MTA3: variants seen among roughly 807,000 people sequenced by gnomAD.
MTA3 encodes the protein metastasis-associated protein MTA3.
MTA3 carries 34 observed loss-of-function variants against 83.5 expected under a neutral mutation model. The observed-to-expected ratio is 0.41, with a 90% CI of 0.31 to 0.54. MTA3 has a LOEUF of 0.54. Ranked by LOEUF, MTA3 falls within the 20% of genes least tolerant of loss-of-function variation. MTA3 has a pLI of 0.33. For synonymous variants in MTA3, 303 were observed against 252.7 expected, an observed-to-expected ratio of 1.20 and a Z score of -1.89; for missense variants, 761 against 726.4, an observed-to-expected ratio of 1.05 and a Z score of -0.55.
intron 2 of MTA3, among the ~76,000 whole-genome samples, chr2:42,572,607 T>TAATAA (rs1678615398): frequency 6.6e-6 from 1 of 152,182 alleles, no homozygotes; most frequent in Non-Finnish European, 1.5e-5. Context: ...GTGTAATAAA[T>TAATAA]ATAAAGTAGC....
chr2:42,629,568 G>A (rs1686471154), intron 4 of MTA3, among the ~76,000 whole-genome samples: 1 of 152,152 alleles, frequency 6.6e-6, no homozygotes, highest in African/African-American at 2.4e-5. Flanking sequence ...CCTTGAACAA[G>A]GAGGTGGGAG....
intron 9 of MTA3, among the ~76,000 whole-genome samples, chr2:42,687,170 G>A (rs1428919867): frequency 6.6e-6 from 1 of 152,050 alleles, no homozygotes; most frequent in Non-Finnish European, 1.5e-5. Context: ...ACACAGTACA[G>A]TTTCATCACC....
At chr2:42,557,083 A>G (rs1029812617) in intron 2 of MTA3, among the ~76,000 whole-genome samples, 1 of 152,126 alleles carries the variant, frequency 6.6e-6, no homozygotes, top group African/African-American at 2.4e-5. Context: ...TGCCCACAAA[A>G]TTTAAAAGAA....
At chr2:42,696,470 T>G (rs1693399066) in intron 10 of MTA3, among the ~76,000 whole-genome samples, 2 of 152,338 alleles carry the variant, frequency 1.3e-5, no homozygotes, top group South Asian at 4.1e-4. Flanking sequence ...CGGTCAATAC[T>G]TGTGTTATGT....
intron 3 of MTA3, among the ~76,000 whole-genome samples, chr2:42,606,791 T>C (rs902366681): frequency 2.0e-5 from 3 of 150,910 alleles, no homozygotes; most frequent in African/African-American, 2.4e-5. Flanking sequence ...CTGGGCACCA[T>C]TGAGCACTGA....
At chr2:42,498,799 T>C (rs1003633477) in intron 2 of MTA3, among the ~76,000 whole-genome samples, 1 of 152,208 alleles carries the variant, frequency 6.6e-6, no homozygotes, top group African/African-American at 2.4e-5. Flanking sequence ...CTGGGTTGTA[T>C]AACAGAATTG....
chr2:42,667,638 A>T (rs1442760118), intron 8 of MTA3, among the ~76,000 whole-genome samples: 5 of 146,150 alleles, frequency 3.4e-5, no homozygotes, highest in African/African-American at 1.3e-4. Flanking sequence ...AGAGAGAGAG[A>T]GAGAGAGAGA....
intron 4 of MTA3, among the ~76,000 whole-genome samples, chr2:42,612,692 C>G (rs1684373514): frequency 6.6e-6 from 1 of 152,082 alleles, no homozygotes; most frequent in African/African-American, 2.4e-5. Context: ...GAAACCTCCT[C>G]TCTACTAAAA....
rs187916614 is a variant in MTA3 at position 42,497,312 on chromosome 2, C to T, written c.-141+2058C>T. 2.6e-3 allele frequency among the ~76,000 whole-genome samples: 396 copies of T among 150,458 alleles called. 2 individuals are homozygous for T. Among genetic ancestry groups the T allele is most frequent in the African/African-American group, 9.1e-3 (374 of 40,946 alleles). On this transcript the variant is annotated intron_variant, in intron 2 of 17. Transcript: ENST00000405592. ...TACAATAAAGTCCAAATTGGCCAGG[C>T]GCGGTGGCTCATGCCTGTAATCCCA...
chr2:42,583,280 TC>T (rs1276913950), intron 3 of MTA3, among the ~76,000 whole-genome samples: 1 of 152,206 alleles, frequency 6.6e-6, no homozygotes, highest in Non-Finnish European at 1.5e-5. Flanking sequence ...GATTTTACTT[TC>T]AAAGGCAACT....
intron 2 of MTA3, among the ~76,000 whole-genome samples, chr2:42,572,270 C>G (rs928842387): frequency 5.9e-5 from 9 of 151,470 alleles, no homozygotes; most frequent in African/African-American, 1.9e-4. Flanking sequence ...CAGAGTGAGA[C>G]TGTCTCAAAA....
At position 42,697,822 on chromosome 2, in the gene MTA3, A is replaced by G; in HGVS notation, c.1013A>G (p.Tyr338Cys). The G allele has an allele frequency of 1.3e-6, 2 of 1,541,444 alleles. No homozygotes were observed. Among genetic ancestry groups the G allele is most frequent in the Non-Finnish European group, 1.7e-6 (2 of 1,144,068 alleles). ...GCTGAGAGTAAACTGAAACAAGTATATATCCCAACCTAGTAAGTAATTGAA... is the reference window on the plus strand; with the variant it reads ...GCTGAGAGTAAACTGAAACAAGTATGTATCCCAACCTAGTAAGTAATTGAA... ...AEAESKLKQV[Y>C]IPTYSKPNPN... is the part of the protein sequence containing the mutation. Residue 338 changes from tyrosine to cysteine, a missense_variant, in exon 11 of 17, where the codon TAT becomes TGT. Physicochemically the swap from Tyr to Cys is radical, Grantham distance 194. Transcript: ENST00000405094.
intron 9 of MTA3, among the ~76,000 whole-genome samples, chr2:42,688,072 A>G (rs1327071390): frequency 6.6e-6 from 1 of 152,232 alleles, no homozygotes; most frequent in Admixed American, 6.5e-5. Flanking sequence ...ACTTGGGAAA[A>G]CAGTTCGCTT....
At chr2:42,694,514 C>T (rs893734) in intron 9 of MTA3, among the ~76,000 whole-genome samples, 95,325 of 151,950 alleles carry the variant, frequency 0.63, 30,435 homozygotes, top group South Asian at 0.79. Context: ...CTGACCCCAG[C>T]ATGGATTTAT....
chr2:42,629,871 C>G (rs993493489), intron 4 of MTA3, among the ~76,000 whole-genome samples: 1 of 152,012 alleles, frequency 6.6e-6, no homozygotes, highest in Non-Finnish European at 1.5e-5. Context: ...CTCTGCCTCC[C>G]AGGTTCAAGC....
chr2:42,688,481 C>G (rs2104452237), intron 9 of MTA3, among the ~76,000 whole-genome samples: 1 of 152,252 alleles, frequency 6.6e-6, no homozygotes, highest in East Asian at 1.9e-4. Context: ...AATGATAAGC[C>G]TCTTTTCATG....
At chr2:42,557,440 G>T (rs1314974567) in intron 2 of MTA3, among the ~76,000 whole-genome samples, 1 of 152,170 alleles carries the variant, frequency 6.6e-6, no homozygotes, top group Non-Finnish European at 1.5e-5. Context: ...CCAATGACAG[G>T]TTTTGGCTGG....
intron 2 of MTA3, among the ~76,000 whole-genome samples, chr2:42,577,105 A>AAATATATATAT (rs1211189566): frequency 1.2e-5 from 1 of 86,920 alleles, no homozygotes. Context: ...AAAAAAAAAA[A>AAATATATATAT]ATATATATAT....
chr2:42,593,739 C>T (rs1190458923), intron 3 of MTA3, among the ~76,000 whole-genome samples: 3 of 151,778 alleles, frequency 2.0e-5, no homozygotes, highest in Non-Finnish European at 4.4e-5. Flanking sequence ...GAGTTTTGCT[C>T]TGTACACTAC....
Sources: gnomAD v4.1 joint callset for allele counts (sites outside exome capture counted in the v4.1 genomes callset) on GRCh38, gnomAD v4.1.1 for gene constraint, MANE v1.5 for transcripts, NCBI Gene and HGNC (gene_info 2026-07-23, HGNC 2026-07-21) for gene names.